Variants in DARS2 observed in about 807,000 individuals in gnomAD.
The protein encoded by DARS2 is aspartyl-tRNA synthetase 2, mitochondrial.
DARS2 carries 63 observed loss-of-function variants against 83.0 expected under a neutral mutation model. The observed-to-expected ratio is 0.76, with a 90% CI of 0.62 to 0.94. DARS2 has a LOEUF of 0.94. Among genes scored for constraint, DARS2 ranks in the 40% least tolerant of loss-of-function variants. The probability of loss-of-function intolerance (pLI) is 0.00; values close to 1 mark genes in which losing one functional copy is unlikely to be tolerated. For missense variants in DARS2, 675 were observed against 774.4 expected (o/e 0.87, Z 1.52); for synonymous variants, 250 against 269.3 (o/e 0.93, Z 0.70).
chr1:173,842,436 C>T (rs1653266272), intron 11 of DARS2, among the ~76,000 whole-genome samples: 1 of 149,206 alleles, frequency 6.7e-6, no homozygotes, highest in South Asian at 2.1e-4. Flanking sequence ...GTAGCTGGGA[C>T]TACAGGCGTA....
In DARS2 at chr1:173,853,809, CTA is replaced by C. The variant is rs1299714369; in HGVS notation, c.1580_1581del (p.Tyr527Ter). The C allele has an allele frequency of 6.2e-7, 1 of 1,614,052 alleles. No individual in the cohort carries two copies. The highest frequency in any genetic ancestry group is 8.5e-7 in the Non-Finnish European group (1 of 1,179,940). The stretch of plus-strand genomic sequence containing the variant: ...GAATCTTCTAGGCCCGTAGCCAACA[CTA>C]TGACTTGGTTTTAAATGGCAATGAA... ...TEPKKARSQH[Y>X]DLVLNGNEIG... On this transcript the variant is annotated frameshift_variant, in exon 15 of 17. Coordinates refer to ENST00000649689, the MANE Select transcript of DARS2 (RefSeq NM_018122.5). LOFTEE classifies it high-confidence loss of function.
chr1:173,833,683 G>A (rs1409689018), intron 6 of DARS2, among the ~76,000 whole-genome samples, 184 bp downstream of exon 6: 1 of 152,104 alleles, frequency 6.6e-6, no homozygotes, highest in Non-Finnish European at 1.5e-5. Flanking sequence ...AAAGATGATA[G>A]TCGCTATTAC....
chr1:173,846,875 C>A (rs1653455305), intron 12 of DARS2, among the ~76,000 whole-genome samples: 1 of 152,026 alleles, frequency 6.6e-6, no homozygotes, highest in Non-Finnish European at 1.5e-5. Context: ...ATGCTATAAT[C>A]AAAGGAATTA....
chr1:173,837,387 T>G (rs1388830825), intron 8 of DARS2, among the ~76,000 whole-genome samples: 1 of 152,162 alleles, frequency 6.6e-6, no homozygotes, highest in Non-Finnish European at 1.5e-5. Flanking sequence ...GTATTGAGAT[T>G]TGCAAGTTAG....
In DARS2 at chr1:173,828,377, A is replaced by G; in HGVS notation, c.272A>G (p.Gln91Arg). 6.4e-7 allele frequency: 1 copy of G among 1,562,700 alleles called. No homozygotes were observed. Among genetic ancestry groups the G allele is most frequent in the Non-Finnish European group, 8.7e-7 (1 of 1,148,324 alleles). The change falls in exon 3 of 17, where the codon CAA becomes CGA. Residue 91 changes from glutamine (Q) to arginine (R), a missense_variant. Physicochemically the swap from Gln to Arg is conservative, Grantham distance 43. Transcript: ENST00000649689. ...CTAAGAGATTTCGATGGGCTTGTTC[A>G]AGTTATCATTCCCCAGGATGAGGTA... is the stretch of plus-strand genomic sequence containing the variant. ...LVLRDFDGLVQVIIPQDESAA... is the reference protein window; with the variant it reads ...LVLRDFDGLVRVIIPQDESAA...
rs961087487 is a variant in DARS2, at chr1:173,841,571, G to T, written c.1128+598G>T. Among the ~76,000 whole-genome samples, 4 of 152,032 alleles carry T rather than the reference G, an allele frequency of 2.6e-5. No individual in the cohort carries two copies. The South Asian group carries it at 8.3e-4, about 32-fold the overall frequency. ...CTCATACCTATAATGCCAACACTGT[G>T]GGAGGTCAAGGCAGGAGAATTGCTT... is the stretch of plus-strand genomic sequence containing the variant. On this transcript the variant is annotated intron_variant, in intron 11 of 16. Transcript: ENST00000649689.
At chr1:173,852,940 C>T (rs1219560883) in intron 13 of DARS2, among the ~76,000 whole-genome samples, 1 of 152,186 alleles carries the variant, frequency 6.6e-6, no homozygotes, top group Non-Finnish European at 1.5e-5. Flanking sequence ...AGAACGACTA[C>T]CACTCACATA....
At chr1:173,840,626 CTG>C (rs1193993552) in intron 10 of DARS2, among the ~76,000 whole-genome samples, 1 of 152,146 alleles carries the variant, frequency 6.6e-6, no homozygotes, top group Admixed American at 6.6e-5. Flanking sequence ...TTCCTTATTT[CTG>C]TGTCTTGGTT....
intron 3 of DARS2, 79 bp downstream of exon 3, chr1:173,828,478 T>C: frequency 1.6e-6 from 2 of 1,282,374 alleles, no homozygotes; most frequent in Admixed American, 3.5e-5. Context: ...TAGATGAATA[T>C]GTTAGAGGTT....
At chr1:173,834,621 T>G in intron 7 of DARS2, 102 bp downstream of exon 7, 1 of 802,380 alleles carries the variant, frequency 1.2e-6, no homozygotes, top group Non-Finnish European at 2.1e-6. Context: ...ATTTACTGCC[T>G]CAGGATGGTC....
intron 13 of DARS2, 68 bp downstream of exon 13, chr1:173,850,547 T>G: frequency 6.7e-7 from 1 of 1,501,188 alleles, no homozygotes. Context: ...CCTATGTATA[T>G]AGTATACGTT....
chr1:173,828,177 A>G (rs375597293), intron 2 of DARS2, among the ~76,000 whole-genome samples, 156 bp from the exon 3 acceptor site: 12 of 152,332 alleles, frequency 7.9e-5, no homozygotes, highest in African/African-American at 2.9e-4. Context: ...ATGAAGGTAC[A>G]TAATTATCAT....
intron 15 of DARS2, among the ~76,000 whole-genome samples, chr1:173,856,462 G>C (rs569561937): frequency 8.5e-4 from 129 of 152,236 alleles, no homozygotes; most frequent in African/African-American, 2.9e-3. Flanking sequence ...AATCATCTAT[G>C]ACTTGTCTTT....
chr1:173,848,676 G>A (rs1653533117), intron 12 of DARS2, among the ~76,000 whole-genome samples: 1 of 152,186 alleles, frequency 6.6e-6, no homozygotes, highest in South Asian at 2.1e-4. Flanking sequence ...CATTATAGCA[G>A]AGCTGGTTTT....
chr1:173,831,727 C>A, intron 5 of DARS2, 97 bp downstream of exon 5: 1 of 962,504 alleles, frequency 1.0e-6, no homozygotes, highest in African/African-American at 1.6e-5. Context: ...TTAACTTCTA[C>A]AAAATTAAGC....
intron 8 of DARS2, 87 bp downstream of exon 8, chr1:173,837,133 CAAGAG>C: frequency 8.4e-7 from 1 of 1,185,842 alleles, no homozygotes; most frequent in Non-Finnish European, 1.3e-6. Flanking sequence ...TCTCTGTTCT[CAAGAG>C]AAGGATAGAA....
chr1:173,824,875 C>A lies in DARS2; in HGVS notation c.-355C>A, dbSNP rs1349155484. 3 of 344,324 alleles carry A rather than the reference C, an allele frequency of 8.7e-6. 1 individual carries two copies. Among genetic ancestry groups the A allele is most frequent in the Non-Finnish European group, 5.7e-6 (1 of 175,180 alleles). 21.3% of individuals were successfully genotyped at this position (344,324 alleles called of 1,614,324 possible). On this transcript the variant is annotated 5_prime_UTR_variant, in exon 1 of 17. Transcript: ENST00000649689. Reference sequence around the variant, plus strand: ...GTGGAAAGAGGAGAAGGGCGTATACCTTGTGACCGCCTCTGGTTGTCTTGG... The same window carrying A: ...GTGGAAAGAGGAGAAGGGCGTATACATTGTGACCGCCTCTGGTTGTCTTGG...
chr1:173,834,732 G>GTTTTTT, intron 7 of DARS2, among the ~76,000 whole-genome samples: 3 of 21,696 alleles, frequency 1.4e-4, no homozygotes, highest in Admixed American at 6.4e-4. Context: ...GAGTTTTTTT[G>GTTTTTT]TTTTTTTTTT....
intron 15 of DARS2, among the ~76,000 whole-genome samples, chr1:173,854,991 G>T (rs1653808279): frequency 6.6e-6 from 1 of 152,176 alleles, no homozygotes; most frequent in African/African-American, 2.4e-5. Flanking sequence ...CGTTTTGTGG[G>T]ATTAACTGAC....
Sources: gnomAD v4.1 joint callset for allele counts (sites outside exome capture counted in the v4.1 genomes callset) on GRCh38, gnomAD v4.1.1 for gene constraint, MANE v1.5 for transcripts, NCBI Gene and HGNC (gene_info 2026-07-23, HGNC 2026-07-21) for gene names.